KCNQ3: variants seen among roughly 807,000 people sequenced by gnomAD.
The protein encoded by KCNQ3 is potassium voltage-gated channel subfamily Q member 3.
In KCNQ3, 30 loss-of-function variants were observed where a neutral mutation model predicts 92.5. That is an observed-to-expected ratio of 0.32 (90% confidence interval 0.24 to 0.44). The LOEUF is 0.44. Among genes scored for constraint, KCNQ3 ranks in the 20% least tolerant of loss-of-function variants. KCNQ3 has a pLI of 1.00. For synonymous variants in KCNQ3, 450 were observed against 468.8 expected (o/e 0.96, Z 0.52); for missense variants, 913 against 1,140.3 (o/e 0.80, Z 2.87).
At chr8:132,150,687 T>A (rs1179217311) in intron 9 of KCNQ3, among the ~76,000 whole-genome samples, 1 of 152,074 alleles carries the variant, frequency 6.6e-6, no homozygotes, top group Non-Finnish European at 1.5e-5. Flanking sequence ...TTAATGCACA[T>A]ATGAGAGGGG....
At chr8:132,295,147 GGTCTA>G (rs1257120397) in intron 1 of KCNQ3, among the ~76,000 whole-genome samples, 6 of 152,142 alleles carry the variant, frequency 3.9e-5, no homozygotes, top group Admixed American at 3.9e-4. Flanking sequence ...ATCTGACAAA[GGTCTA>G]ATATACAGAA....
intron 1 of KCNQ3, among the ~76,000 whole-genome samples, chr8:132,426,093 G>A (rs568177743): frequency 6.6e-6 from 1 of 152,256 alleles, no homozygotes; most frequent in Non-Finnish European, 1.5e-5. Context: ...CTGCATGGCG[G>A]GTGGGAAAGA....
intron 1 of KCNQ3, among the ~76,000 whole-genome samples, chr8:132,345,947 G>A (rs886235415): frequency 2.0e-5 from 3 of 150,330 alleles, no homozygotes; most frequent in Admixed American, 2.0e-4. Flanking sequence ...GATGATGATG[G>A]TGATGATGAT....
At chr8:132,430,881 A>C (rs1230617320) in intron 1 of KCNQ3, among the ~76,000 whole-genome samples, 2 of 152,156 alleles carry the variant, frequency 1.3e-5, no homozygotes, top group East Asian at 1.9e-4. Flanking sequence ...TTGGGACGTC[A>C]GTAAAAGGGG....
chr8:132,391,163 A>G (rs1221340161), intron 1 of KCNQ3, among the ~76,000 whole-genome samples: 1 of 152,194 alleles, frequency 6.6e-6, no homozygotes, highest in Non-Finnish European at 1.5e-5. Flanking sequence ...TAGTGCCTAG[A>G]GCATACCTTG....
chr8:132,269,614 A>G (rs753319663), intron 1 of KCNQ3, among the ~76,000 whole-genome samples: 2 of 151,190 alleles, frequency 1.3e-5, no homozygotes, highest in Non-Finnish European at 2.9e-5. Context: ...TGAGCATTGA[A>G]ACAACCGAGC....
intron 1 of KCNQ3, among the ~76,000 whole-genome samples, chr8:132,324,925 G>A (rs1817997235): frequency 6.6e-6 from 1 of 151,290 alleles, no homozygotes; most frequent in Non-Finnish European, 1.5e-5. Context: ...GTGAAGCAAA[G>A]TTAGAGGCTC....
chr8:132,161,645 A>ACAAAAT (rs1825992632), intron 9 of KCNQ3, among the ~76,000 whole-genome samples: 1 of 152,014 alleles, frequency 6.6e-6, no homozygotes, highest in East Asian at 1.9e-4. Flanking sequence ...AAAACAAAAA[A>ACAAAAT]CAAAAAAGAA....
chr8:132,243,223 G>T (rs1815050792), intron 1 of KCNQ3, among the ~76,000 whole-genome samples: 1 of 152,220 alleles, frequency 6.6e-6, no homozygotes, highest in Non-Finnish European at 1.5e-5. Flanking sequence ...GGCTTACAAA[G>T]GTTCAATAAT....
At chr8:132,173,380 G>C (rs1348621228) in intron 6 of KCNQ3, among the ~76,000 whole-genome samples, 2 of 152,154 alleles carry the variant, frequency 1.3e-5, no homozygotes, top group African/African-American at 2.4e-5. Flanking sequence ...GCTGCAAATA[G>C]AGAAAGAACA....
intron 1 of KCNQ3, among the ~76,000 whole-genome samples, chr8:132,388,459 A>C (rs1397919830): frequency 6.6e-6 from 1 of 152,162 alleles, no homozygotes; most frequent in Non-Finnish European, 1.5e-5. Flanking sequence ...CCGATTAAAA[A>C]CTTTCTACCT....
At chr8:132,446,117 A>G (rs2130844452) in intron 1 of KCNQ3, among the ~76,000 whole-genome samples, 1 of 152,294 alleles carries the variant, frequency 6.6e-6, no homozygotes, top group East Asian at 1.9e-4. Flanking sequence ...AAGCTGGGTT[A>G]CTGTTTGCCT....
At chr8:132,286,791 T>G (rs1006515227) in intron 1 of KCNQ3, among the ~76,000 whole-genome samples, 8 of 152,240 alleles carry the variant, frequency 5.3e-5, no homozygotes, top group African/African-American at 1.9e-4. Context: ...GATGGTTAGG[T>G]CATTAAGATG....
rs940773043 is a variant in KCNQ3, at chr8:132,453,651, T to G, written c.386+26496A>C. Among the ~76,000 whole-genome samples, 8 of 152,108 alleles carry G rather than the reference T, an allele frequency of 5.3e-5. No individual in the cohort carries two copies. In the East Asian group the frequency reaches 5.8e-4, roughly 11 times the overall value. Reference sequence around the variant, plus strand: ...AACTCTCTTCCTGTGAGCTGGATCATGATCAGTCAATTCTCATTGATCTGT... The same window carrying G: ...AACTCTCTTCCTGTGAGCTGGATCAGGATCAGTCAATTCTCATTGATCTGT... On this transcript the variant is annotated intron_variant, in intron 1 of 14. Coordinates refer to ENST00000388996, the MANE Select transcript of KCNQ3 (RefSeq NM_004519.4).
rs995073529 is a variant in KCNQ3, at chr8:132,121,602, C to T, written c.*7660G>A. On this transcript the variant is annotated 3_prime_UTR_variant, in exon 15 of 15. Coordinates refer to ENST00000388996, the MANE Select transcript of KCNQ3 (RefSeq NM_004519.4). ...AGATCAGGTTGGCTTCCATGGGAAACCTTGATCTTTTAATACTGAGAAAGA... is the reference window on the plus strand; with the variant it reads ...AGATCAGGTTGGCTTCCATGGGAAATCTTGATCTTTTAATACTGAGAAAGA... 2 of 152,152 alleles carry T rather than the reference C, an allele frequency of 1.3e-5. No homozygotes were observed. The highest frequency in any genetic ancestry group is 2.4e-5 in the African/African-American group (1 of 41,426). 9.4% of individuals were successfully genotyped at this position (152,152 alleles called of 1,614,324 possible).
chr8:132,421,242 T>C (rs1007640214), intron 1 of KCNQ3, among the ~76,000 whole-genome samples: 2 of 152,206 alleles, frequency 1.3e-5, no homozygotes, highest in African/African-American at 4.8e-5. Context: ...AATATATTCA[T>C]GCATGTGAGG....
chr8:132,168,680 G>C (rs1287109383), intron 8 of KCNQ3, among the ~76,000 whole-genome samples: 1 of 150,294 alleles, frequency 6.7e-6, no homozygotes, highest in Non-Finnish European at 1.5e-5. Flanking sequence ...CCATAATCTG[G>C]AGATGGGAGT....
chr8:132,228,469 G>C (rs1054071407), intron 1 of KCNQ3, among the ~76,000 whole-genome samples: 4 of 152,082 alleles, frequency 2.6e-5, no homozygotes, highest in Non-Finnish European at 4.4e-5. Flanking sequence ...CACAGTCCCT[G>C]CTTCCAAGGA....
intron 1 of KCNQ3, among the ~76,000 whole-genome samples, chr8:132,381,971 C>A (rs1563887740): frequency 6.6e-6 from 1 of 152,248 alleles, no homozygotes. Context: ...CACCAGGAGC[C>A]TGGAGGCCTG....
Sources: allele counts gnomAD v4.1 joint callset (sites outside exome capture counted in the v4.1 genomes callset), GRCh38; gene constraint gnomAD v4.1.1; transcripts MANE v1.5; gene names NCBI Gene and HGNC (gene_info 2026-07-23, HGNC 2026-07-21).